Variants in MTA1 observed in about 807,000 individuals in gnomAD.
The protein encoded by MTA1 is metastasis-associated protein MTA1.
A neutral mutation model predicts 97.0 loss-of-function variants in MTA1; 15 were observed. That is an observed-to-expected ratio of 0.15 (90% confidence interval 0.10 to 0.24). The LOEUF is 0.24. Among genes scored for constraint, MTA1 ranks in the 10% least tolerant of loss-of-function variants. The pLI is 1.00. For missense variants in MTA1, 709 were observed against 1,015.1 expected (o/e 0.70, Z 4.10); for synonymous variants, 435 against 417.5 (o/e 1.04, Z -0.51).
chr14:105,454,490 C>A, intron 7 of MTA1, 180 bp downstream of exon 7: 1 of 535,380 alleles, frequency 1.9e-6, no homozygotes, highest in Non-Finnish European at 3.5e-6. Context: ...GTCCCGGAGC[C>A]TTCCCCCACC....
At position 105,462,774 on chromosome 14, in the gene MTA1, C is replaced by G. The variant is rs587686227; in HGVS notation, c.943-410C>G. ...GTCCCAGCTACTCAGGAGACAGAGG[C>G]AGGAGAATTGCTTGAACCCGGGAGG... On this transcript the variant is annotated intron_variant, in intron 10 of 20. Transcript: ENST00000331320. 2.6e-5 allele frequency among the ~76,000 whole-genome samples: 4 copies of G among 151,924 alleles called. No homozygotes were observed. The East Asian group carries it at 7.7e-4, about 29-fold the overall frequency.
At chr14:105,460,534 A>G in intron 9 of MTA1, 77 bp downstream of exon 9, 1 of 1,407,828 alleles carries the variant, frequency 7.1e-7, no homozygotes, top group Non-Finnish European at 9.5e-7. Context: ...TCTTCCTACC[A>G]GGGCCCAGCA....
At chr14:105,438,637 G>T (rs1555424949) in intron 1 of MTA1, 35 bp from the exon 2 acceptor site, 1 of 1,607,658 alleles carries the variant, frequency 6.2e-7, no homozygotes, top group South Asian at 1.1e-5. Context: ...GGCCTTTGGT[G>T]CCACAGGTGG....
At chr14:105,433,825 C>G (rs1358011211) in intron 1 of MTA1, among the ~76,000 whole-genome samples, 1 of 152,166 alleles carries the variant, frequency 6.6e-6, no homozygotes, top group Admixed American at 6.6e-5. Flanking sequence ...AAGCTGCACT[C>G]AGCTTTTTAA....
chr14:105,454,484 C>T (rs1340287041), intron 7 of MTA1, 174 bp downstream of exon 7: 20 of 537,914 alleles, frequency 3.7e-5, no homozygotes, highest in African/African-American at 1.5e-4. Flanking sequence ...GCTGGTGTCC[C>T]GGAGCCTTCC....
intron 1 of MTA1, among the ~76,000 whole-genome samples, chr14:105,425,040 A>T (rs587647279): frequency 6.6e-5 from 10 of 152,258 alleles, no homozygotes; most frequent in African/African-American, 2.4e-4. Context: ...TCAGCAGGTG[A>T]GGCTGGGATG....
intron 6 of MTA1, among the ~76,000 whole-genome samples, chr14:105,451,779 T>TTCTG (rs2082945052): frequency 5.6e-5 from 2 of 35,890 alleles, no homozygotes; most frequent in African/African-American, 9.9e-5. Context: ...CTTTTTCTTT[T>TTCTG]TTTGTTTTTT....
In MTA1 at chr14:105,424,423, G is replaced by C. The variant is rs1459947243; in HGVS notation, c.28+4360G>C. On this transcript the variant is annotated intron_variant, in intron 1 of 20. Coordinates refer to ENST00000331320, the MANE Select transcript of MTA1 (RefSeq NM_004689.4). This position sits in a 1 kb window ranked among gnomAD's most constrained non-coding sequence, Gnocchi z 4.0. ...TCACTGTGTTAGCCAGTATGGTCTCGATCTCCTGACCTTGTGACCCACCCG... is the reference window on the plus strand; with the variant it reads ...TCACTGTGTTAGCCAGTATGGTCTCCATCTCCTGACCTTGTGACCCACCCG... 2.1e-4 allele frequency among the ~76,000 whole-genome samples: 31 copies of C among 151,170 alleles called. No homozygotes were observed. Among genetic ancestry groups the C allele is most frequent in the Non-Finnish European group, 2.9e-4 (20 of 67,896 alleles).
chr14:105,439,483 C>T (rs782546567), intron 2 of MTA1, among the ~76,000 whole-genome samples: 1 of 152,206 alleles, frequency 6.6e-6, no homozygotes, highest in Non-Finnish European at 1.5e-5. Flanking sequence ...CCCATCAGCT[C>T]GGGAGACAGA....
intron 1 of MTA1, among the ~76,000 whole-genome samples, chr14:105,435,436 T>C (rs1455383781): frequency 4.6e-5 from 7 of 152,200 alleles, no homozygotes; most frequent in Non-Finnish European, 7.3e-5. Context: ...AGGCACATGC[T>C]ACCACACCTG....
rs1235103227 is a variant in MTA1, at chr14:105,463,023, C to T, written c.943-161C>T. The stretch of plus-strand genomic sequence containing the variant: ...CCTGCTTCATCAGCTGCCCTCTGCA[C>T]CTGCCTGCCAGCAGGGGCCTGGCCT... On this transcript the variant is annotated intron_variant, in intron 10 of 20. Coordinates refer to ENST00000331320, the MANE Select transcript of MTA1 (RefSeq NM_004689.4). This position sits in a 1 kb window ranked among gnomAD's most constrained non-coding sequence, Gnocchi z 5.9. 6.6e-6 allele frequency among the ~76,000 whole-genome samples: 1 copy of T among 152,154 alleles called. No individual in the cohort carries two copies. The highest frequency in any genetic ancestry group is 1.5e-5 in the Non-Finnish European group (1 of 68,026).
At chr14:105,447,155 G>A (rs1272317174) in intron 3 of MTA1, among the ~76,000 whole-genome samples, 1 of 152,182 alleles carries the variant, frequency 6.6e-6, no homozygotes, top group Non-Finnish European at 1.5e-5. Flanking sequence ...CTGCAGGGCT[G>A]GCCCGCTGGA....
At chr14:105,458,418 C>T (rs1555430402) in intron 8 of MTA1, 46 bp downstream of exon 8, 2 of 1,539,842 alleles carry the variant, frequency 1.3e-6, no homozygotes, top group African/African-American at 2.7e-5. Flanking sequence ...GTGCCTGGAG[C>T]TTCTGTTCTC....
At chr14:105,453,768 G>A (rs1023125534) in intron 6 of MTA1, among the ~76,000 whole-genome samples, 2 of 151,506 alleles carry the variant, frequency 1.3e-5, no homozygotes, top group Non-Finnish European at 2.9e-5. Context: ...CCGAGATCAC[G>A]CCATTGCACT....
chr14:105,441,258 G>A (rs955991865), intron 2 of MTA1, among the ~76,000 whole-genome samples: 1 of 148,954 alleles, frequency 6.7e-6, no homozygotes, highest in Non-Finnish European at 1.5e-5. Flanking sequence ...GTCCCCTGGT[G>A]GGCCCCCCCG....
intron 1 of MTA1, among the ~76,000 whole-genome samples, chr14:105,433,765 T>A (rs4983619): frequency 0.94 from 143,002 of 152,076 alleles, 67,890 homozygotes; most frequent in East Asian, 1. Flanking sequence ...AGTGAAGCAA[T>A]ATGTCATCTC....
chr14:105,429,417 C>CT (rs1276842153), intron 1 of MTA1, among the ~76,000 whole-genome samples: 1 of 150,972 alleles, frequency 6.6e-6, no homozygotes, highest in Non-Finnish European at 1.5e-5. Flanking sequence ...TCCCAAGTGG[C>CT]TGGGACTACA....
chr14:105,453,222 C>T (rs10467893), intron 6 of MTA1, among the ~76,000 whole-genome samples: 7,107 of 152,380 alleles, frequency 0.047, 525 homozygotes, highest in African/African-American at 0.16. Context: ...TGGCGGCCGG[C>T]GGTGCTGAGC....
chr14:105,438,423 T>C (rs936799159), intron 1 of MTA1, among the ~76,000 whole-genome samples: 2 of 152,116 alleles, frequency 1.3e-5, no homozygotes, highest in African/African-American at 4.8e-5. Flanking sequence ...GGCTGTCTGC[T>C]CCTGCTGGGA....
Sources: gnomAD v4.1 joint callset for allele counts (sites outside exome capture counted in the v4.1 genomes callset) on GRCh38, gnomAD v4.1.1 for gene constraint, Gnocchi (gnomAD v3.1) non-coding constraint, MANE v1.5 for transcripts, NCBI Gene and HGNC (gene_info 2026-07-23, HGNC 2026-07-21) for gene names.